The following GRID2IP variants were observed in gnomAD, a reference collection of about 807,000 sequenced individuals.
The protein encoded by GRID2IP is Grid2 interacting protein, also known as delphilin.
A neutral mutation model predicts 114.3 loss-of-function variants in GRID2IP; 78 were observed. The observed-to-expected ratio is 0.68, with a 90% confidence interval of 0.57 to 0.82. The LOEUF is 0.82. Ranked by LOEUF, GRID2IP falls within the 40% of genes least tolerant of loss-of-function variation. The pLI is 0.00. For synonymous variants in GRID2IP, 809 were observed against 724.0 expected (o/e 1.12, Z -1.89); for missense variants, 1,727 against 1,678.5 (o/e 1.03, Z -0.51).
Position 6,498,244 on chromosome 7 carries a change from T to C in GRID2IP, c.3400-16A>G, listed in dbSNP as rs910076260. 1.3e-6 allele frequency: 2 copies of C among 1,526,728 alleles called. No individual in the cohort carries two copies. The highest frequency in any genetic ancestry group is 1.8e-6 in the Non-Finnish European group (2 of 1,136,660). The allele number at this position is 1,526,728 out of a possible 1,614,324, so 94.6% of individuals were successfully genotyped here. On this transcript the variant is annotated splice_polypyrimidine_tract_variant and intron_variant, in intron 20 of 21. Coordinates refer to ENST00000457091, the MANE Select transcript of GRID2IP (RefSeq NM_001145118.2). ...CCAGGAAGGACTGACAGGCCTCAGT[T>C]AAGGAAACAGCCAGCCCGCTTGTGC...
At position 6,542,642 on chromosome 7, in the gene GRID2IP, A is replaced by G. The variant is rs149774976; in HGVS notation, c.430-2770T>C. Among the ~76,000 whole-genome samples the G allele has an allele frequency of 5.6e-3, 855 of 152,292 alleles. 7 individuals are homozygous for G. Among genetic ancestry groups the G allele is most frequent in the African/African-American group, 0.019 (788 of 41,554 alleles). Reference sequence around the variant, plus strand: ...CACTGCACTATACAGTCTGGGCAACAGATCAAGACCCCATTTCAATAAATA... The same window carrying G: ...CACTGCACTATACAGTCTGGGCAACGGATCAAGACCCCATTTCAATAAATA... On this transcript the variant is annotated intron_variant, in intron 1 of 21. Coordinates refer to ENST00000457091, the MANE Select transcript of GRID2IP (RefSeq NM_001145118.2).
rs888414337 is a variant in GRID2IP at position 6,497,669 on chromosome 7, G to A, written c.*105C>T. On this transcript the variant is annotated 3_prime_UTR_variant, in exon 22 of 22. Transcript: ENST00000457091. ...TAGCTGCAGGAGAGGCTGGCGGTGT[G>A]CTCAGAGCCCGGGGCACAGTGGCCC... 56 of 801,924 alleles carry A rather than the reference G, an allele frequency of 7.0e-5. No individual in the cohort carries two copies. The highest frequency in any genetic ancestry group is 1.1e-4 in the Non-Finnish European group (54 of 514,036). 49.7% of individuals were successfully genotyped at this position (801,924 alleles called of 1,614,324 possible). A position where few individuals can be genotyped will look rare whatever the true frequency, so the allele number is the denominator to read the frequency against.
rs1779652073 is a variant in GRID2IP, at chr7:6,532,554, G to T, written c.585-5785C>A. 6.6e-6 allele frequency among the ~76,000 whole-genome samples: 1 copy of T among 152,156 alleles called. No individual in the cohort carries two copies. The highest frequency in any genetic ancestry group is 1.5e-5 in the Non-Finnish European group (1 of 68,030). ...CCCCCCGTGGCTGTACTTCTTCCTG[G>T]AAGCAGCCAGAAACTGGAGCCAGTG... On this transcript the variant is annotated intron_variant, in intron 2 of 21. Transcript: ENST00000457091. The surrounding 1 kb of genome is among the most constrained non-coding windows in gnomAD (Gnocchi z 4.4).
At position 6,536,876 on chromosome 7, in the gene GRID2IP, TC is replaced by T. The variant is rs1249638137; in HGVS notation, c.584+2841del. On this transcript the variant is annotated intron_variant, in intron 2 of 21. Transcript: ENST00000457091. The surrounding 1 kb of genome is among the most constrained non-coding windows in gnomAD (Gnocchi z 5.3). ...CTCTTTCGGTGGTGGTCGCCTATGC[TC>T]CGCTGCAGAGCCGAGAGCTGCGCCG... 3.0e-5 allele frequency: 14 copies of T among 465,850 alleles called. No homozygotes were observed. The highest frequency in any genetic ancestry group is 4.1e-5 in the Non-Finnish European group (10 of 243,536). 28.9% of individuals were successfully genotyped at this position (465,850 alleles called of 1,614,324 possible). A position where few individuals can be genotyped will look rare whatever the true frequency, so the allele number is the denominator to read the frequency against.
At position 6,551,069 on chromosome 7, in the gene GRID2IP, C is replaced by T. The variant is rs1291160096; in HGVS notation, c.368G>A (p.Arg123His). ...TCGGTGCACCGCGTCCGGGCGCTTG[C>T]GGCCGGCCAGGCGAAGCAGCTCACG... ...LGRELLRLAG[R>H]KRPDAVHRER... The change falls in exon 1 of 22, where the codon CGC (arginine) becomes CAC (histidine). Residue 123 changes from arginine (R) to histidine (H), a missense_variant. Transcript: ENST00000457091. The T allele has an allele frequency of 2.3e-6, 3 of 1,309,720 alleles. No individual in the cohort carries two copies. Among genetic ancestry groups the T allele is most frequent in the South Asian group, 2.1e-5 (1 of 46,522 alleles). The allele number at this position is 1,309,720 out of a possible 1,614,324, so 81.1% of individuals were successfully genotyped here.
chr7:6,509,183 G>T lies in GRID2IP; in HGVS notation c.1902C>A (p.Asp634Glu). 1 of 1,480,096 alleles carries T rather than the reference G, an allele frequency of 6.8e-7. No individual in the cohort carries two copies. The allele number at this position is 1,480,096 out of a possible 1,614,324, so 91.7% of individuals were successfully genotyped here. Residue 634 changes from aspartate to glutamate, a missense_variant, in exon 12 of 22, where the codon GAC becomes GAA. Physicochemically the swap from Asp to Glu is conservative, Grantham distance 45. Transcript: ENST00000457091. This position sits in a 1 kb window ranked among gnomAD's most constrained non-coding sequence, Gnocchi z 4.9. ...SSESHPYASL[D>E]SSRAPSPQPG... Reference sequence around the variant, plus strand: ...GCTGTGGGGAGGGTGCCCTGCTGCTGTCCAGGCTGGCGTAGGGGTGGGACT... The same window carrying T: ...GCTGTGGGGAGGGTGCCCTGCTGCTTTCCAGGCTGGCGTAGGGGTGGGACT...
chr7:6,498,011 C>G, intron 21 of GRID2IP, 53 bp downstream of exon 21: 1 of 1,480,044 alleles, frequency 6.8e-7, no homozygotes, highest in Non-Finnish European at 9.0e-7. Context: ...CTTCATTTGG[C>G]CTCTGGCCCC....
chr7:6,532,443 C>T lies in GRID2IP; in HGVS notation c.585-5674G>A, dbSNP rs1240807340. Among the ~76,000 whole-genome samples the T allele has an allele frequency of 3.3e-5, 5 of 152,198 alleles. No homozygotes were observed. Among genetic ancestry groups the T allele is most frequent in the Admixed American group, 6.5e-5 (1 of 15,284 alleles). On this transcript the variant is annotated intron_variant, in intron 2 of 21. Coordinates refer to ENST00000457091, the MANE Select transcript of GRID2IP (RefSeq NM_001145118.2). This position sits in a 1 kb window ranked among gnomAD's most constrained non-coding sequence, Gnocchi z 4.4. ...AGGGAGGACCCTCTGGTCCGATCAT[C>T]GGTCTCTGGTACTGTCCACGCACTG...
In GRID2IP at chr7:6,516,022, G is replaced by A. The variant is rs998398662; in HGVS notation, c.1269-1493C>T. On this transcript the variant is annotated intron_variant, in intron 7 of 21. Coordinates refer to ENST00000457091, the MANE Select transcript of GRID2IP (RefSeq NM_001145118.2). This position sits in a 1 kb window ranked among gnomAD's most constrained non-coding sequence, Gnocchi z 4.3. ...TGAGGCAGCAGAATCGCTTGAACCC[G>A]GGAGGTGGAGGTTGCAGTGAGCTGA... Among the ~76,000 whole-genome samples the A allele has an allele frequency of 1.3e-5, 2 of 151,968 alleles. No individual in the cohort carries two copies. The highest frequency in any genetic ancestry group is 2.4e-5 in the African/African-American group (1 of 41,352).
At chr7:6,538,352 C>A (rs746240869) in intron 2 of GRID2IP, among the ~76,000 whole-genome samples, 1 of 150,764 alleles carries the variant, frequency 6.6e-6, no homozygotes, top group African/African-American at 2.4e-5. Context: ...GGTGACAGAG[C>A]GAGACCCTGT....
Position 6,506,713 on chromosome 7 carries a change from ACT to A in GRID2IP, c.2545-808_2545-807del, listed in dbSNP as rs1786603503. Among the ~76,000 whole-genome samples, 1 of 129,788 alleles carries A rather than the reference ACT, an allele frequency of 7.7e-6. No individual in the cohort carries two copies. The highest frequency in any genetic ancestry group is 8.4e-5 in the Admixed American group (1 of 11,960). 85.1% of individuals were successfully genotyped at this position (129,788 alleles called of 152,430 possible). A position where few individuals can be genotyped will look rare whatever the true frequency, so the allele number is the denominator to read the frequency against. On this transcript the variant is annotated intron_variant, in intron 13 of 21. Coordinates refer to ENST00000457091, the MANE Select transcript of GRID2IP (RefSeq NM_001145118.2). The surrounding 1 kb of genome is among the most constrained non-coding windows in gnomAD (Gnocchi z 5.2). ...TTTTTTTTTTTTTAGATAGGGTCTC[ACT>A]CTGTACCCCAGGCTGGAGTGCAGTG...
chr7:6,518,473 C>T (rs561469542), intron 7 of GRID2IP, among the ~76,000 whole-genome samples: 17 of 152,238 alleles, frequency 1.1e-4, no homozygotes, highest in African/African-American at 3.9e-4. Flanking sequence ...TGTCGTGGCT[C>T]ACACCTGTAA....
intron 18 of GRID2IP, among the ~76,000 whole-genome samples, chr7:6,502,526 C>T (rs1786446169): frequency 1.3e-5 from 2 of 152,138 alleles, no homozygotes; most frequent in Non-Finnish European, 1.5e-5. Context: ...AATCCCCAGC[C>T]TTTGACACTC....
chr7:6,509,116 C>G lies in GRID2IP; in HGVS notation c.1969G>C (p.Asp657His). 22 of 1,477,164 alleles carry G rather than the reference C, an allele frequency of 1.5e-5. No homozygotes were observed. Among genetic ancestry groups the G allele is most frequent in the Non-Finnish European group, 2.0e-5 (22 of 1,113,616 alleles). The allele number at this position is 1,477,164 out of a possible 1,614,324, so 91.5% of individuals were successfully genotyped here. Residue 657 changes from aspartate (D) to histidine (H), a missense_variant, in exon 12 of 22, where the codon GAC becomes CAC. Transcript: ENST00000457091. This position sits in a 1 kb window ranked among gnomAD's most constrained non-coding sequence, Gnocchi z 4.9. Reference sequence around the variant, plus strand: ...CTGCGGCTGGGCGGGCGGGTGGGGTCCGGGCTTGGGGGGCTGTCGGGGCAG... The same window carrying G: ...CTGCGGCTGGGCGGGCGGGTGGGGTGCGGGCTTGGGGGGCTGTCGGGGCAG... ...PICPDSPPSP[D>H]PTRPPSRRKL...
Position 6,508,950 on chromosome 7 carries a change from GTGCCC to G in GRID2IP, c.2127+3_2127+7del. 1 of 1,544,016 alleles carries G rather than the reference GTGCCC, an allele frequency of 6.5e-7. No individual in the cohort carries two copies. Among genetic ancestry groups the G allele is most frequent in the Non-Finnish European group, 8.7e-7 (1 of 1,146,062 alleles). ...CCCGCCTCCCTCCACACCTGCTTGC[GTGCCC>G]ACCTCCTCGTAGTCGTTCTCCGGGG... is the stretch of plus-strand genomic sequence containing the variant. On this transcript the variant is annotated splice_donor_5th_base_variant and intron_variant, in intron 12 of 21. Coordinates refer to ENST00000457091, the MANE Select transcript of GRID2IP (RefSeq NM_001145118.2). The surrounding 1 kb of genome is among the most constrained non-coding windows in gnomAD (Gnocchi z 5.6).
At chr7:6,540,067 CTCCCTTCCTTCT>C (rs1779789326) in intron 1 of GRID2IP, among the ~76,000 whole-genome samples, 195 bp from the exon 2 acceptor site, 1 of 151,450 alleles carries the variant, frequency 6.6e-6, no homozygotes, top group African/African-American at 2.4e-5. Flanking sequence ...TTCTTCCTTC[CTCCCTTCCTTCT>C]TCCCTTCCCC....
rs1779518726 is a variant in GRID2IP at position 6,526,654 on chromosome 7, G to A, written c.700C>T (p.Arg234Cys). Residue 234 changes from arginine to cysteine, a missense_variant, in exon 3 of 22, where the codon CGC becomes TGC. Transcript: ENST00000457091. The surrounding 1 kb of genome is among the most constrained non-coding windows in gnomAD (Gnocchi z 7.6). ...AGGCGCTCCGGCCGCTCCTCGCTGC[G>A]GCTCCGGCGCAGTCGCTGCGCGCCC... is the stretch of plus-strand genomic sequence containing the variant. ...AQGAQRLRRS[R>C]SEERPERLLV... The A allele has an allele frequency of 1.9e-5, 27 of 1,419,890 alleles. No individual in the cohort carries two copies. The highest frequency in any genetic ancestry group is 6.2e-5 in the Admixed American group (2 of 32,254). 88.0% of individuals were successfully genotyped at this position (1,419,890 alleles called of 1,614,324 possible). A position where few individuals can be genotyped will look rare whatever the true frequency, so the allele number is the denominator to read the frequency against.
In GRID2IP at chr7:6,508,965, T is replaced by C. The variant is rs1477405492; in HGVS notation, c.2120A>G (p.Tyr707Cys). 4 of 1,546,806 alleles carry C rather than the reference T, an allele frequency of 2.6e-6. No individual in the cohort carries two copies. The highest frequency in any genetic ancestry group is 2.0e-5 in the Admixed American group (1 of 50,890). The change falls in exon 12 of 22, where the codon TAC (tyrosine) becomes TGC (cysteine). Residue 707 changes from tyrosine to cysteine, a missense_variant. Transcript: ENST00000457091. This position sits in a 1 kb window ranked among gnomAD's most constrained non-coding sequence, Gnocchi z 5.6. Reference sequence around the variant, plus strand: ...ACCTGCTTGCGTGCCCACCTCCTCGTAGTCGTTCTCCGGGGTCAGGAAATC... The same window carrying C: ...ACCTGCTTGCGTGCCCACCTCCTCGCAGTCGTTCTCCGGGGTCAGGAAATC... ...VDDFLTPEND[Y>C]EEMSFHDDQG...
At chr7:6,550,627 A>T (rs1290107254) in intron 1 of GRID2IP, among the ~76,000 whole-genome samples, 1 of 148,820 alleles carries the variant, frequency 6.7e-6, no homozygotes, top group African/African-American at 2.5e-5. Flanking sequence ...ACTGACCAAC[A>T]TGGTGAAACC....
Sources: allele counts gnomAD v4.1 joint callset (sites outside exome capture counted in the v4.1 genomes callset), GRCh38; gene constraint gnomAD v4.1.1; non-coding constraint Gnocchi (gnomAD v3.1); transcripts MANE v1.5; gene names NCBI Gene and HGNC (gene_info 2026-07-23, HGNC 2026-07-21).